The following UBR4 variants were observed in gnomAD, a reference collection of about 807,000 sequenced individuals.
UBR4 encodes ubiquitin protein ligase E3 component n-recognin 4, also known as E3 ubiquitin-protein ligase UBR4.
In UBR4, 124 loss-of-function variants were observed where a neutral mutation model predicts 575.6. The observed-to-expected ratio is 0.22, with a 90% CI of 0.19 to 0.25. The LOEUF is 0.25. Among genes scored for constraint, UBR4 ranks in the 10% least tolerant of loss-of-function variants. The probability of loss-of-function intolerance (pLI) is 1.00; values close to 1 mark genes in which losing one functional copy is unlikely to be tolerated. For missense variants in UBR4, 4,818 were observed against 6,478.8 expected (o/e 0.74, Z 8.80); for synonymous variants, 2,455 against 2,473.7 (o/e 0.99, Z 0.22).
Position 19,139,014 on chromosome 1 carries a change from C to A in UBR4, c.8731+69G>T. The A allele has an allele frequency of 6.6e-7, 1 of 1,507,610 alleles. No homozygotes were observed. The allele number at this position is 1,507,610 out of a possible 1,614,324, so 93.4% of individuals were successfully genotyped here. On this transcript the variant is annotated intron_variant, in intron 59 of 105. Coordinates refer to ENST00000375254, the MANE Select transcript of UBR4 (RefSeq NM_020765.3). The surrounding 1 kb of genome is among the most constrained non-coding windows in gnomAD (Gnocchi z 4.2). The stretch of plus-strand genomic sequence containing the variant: ...CTTTGCAAAAACCAACCCCAAGACC[C>A]AAGCAGAGATTCCTGTTTTGTCCCC...
Position 19,100,300 on chromosome 1 carries a change from G to A in UBR4, c.13221+76C>T. On this transcript the variant is annotated intron_variant, in intron 89 of 105. Coordinates refer to ENST00000375254, the MANE Select transcript of UBR4 (RefSeq NM_020765.3). The surrounding 1 kb of genome is among the most constrained non-coding windows in gnomAD (Gnocchi z 4.2). ...CCCCAAGTTAATCAGCTACTAGGAA[G>A]AAGCACCTGGATTTGGTTAGCCTAG... 6.5e-7 allele frequency: 1 copy of A among 1,539,098 alleles called. No individual in the cohort carries two copies. The highest frequency in any genetic ancestry group is 1.7e-5 in the Admixed American group (1 of 58,382).
chr1:19,209,603 T>C (rs1040048390), intron 1 of UBR4, among the ~76,000 whole-genome samples: 1 of 152,152 alleles, frequency 6.6e-6, no homozygotes, highest in Non-Finnish European at 1.5e-5. Context: ...AGGTCATCAA[T>C]GTAGCTAGTG....
intron 11 of UBR4, among the ~76,000 whole-genome samples, chr1:19,190,312 A>AAAAAAAATAT: frequency 1.3e-5 from 1 of 79,906 alleles, no homozygotes; most frequent in African/African-American, 5.3e-5. Flanking sequence ...AAAAAAAAAA[A>AAAAAAAATAT]ATATATATAT....
At chr1:19,192,666 G>A (rs1416680563) in intron 9 of UBR4, 126 bp from the exon 10 acceptor site, 5 of 1,015,358 alleles carry the variant, frequency 4.9e-6, no homozygotes, top group African/African-American at 4.8e-5. Flanking sequence ...ACATTCCATC[G>A]TACTTTCCTT....
Position 19,210,174 on chromosome 1 carries a change from C to G in UBR4, c.75G>C (p.Thr25=). 6.6e-7 allele frequency: 1 copy of G among 1,523,646 alleles called. No individual in the cohort carries two copies. The highest frequency in any genetic ancestry group is 8.8e-7 in the Non-Finnish European group (1 of 1,141,556). The allele number at this position is 1,523,646 out of a possible 1,614,324, so 94.4% of individuals were successfully genotyped here. A position where few individuals can be genotyped will look rare whatever the true frequency, so the allele number is the denominator to read the frequency against. The part of the protein sequence containing the change: ...APGTPATGAD[T]TPGWEVAVRP... ...GCACAGCCACCTCCCAGCCCGGGGT[C>G]GTGTCCGCCCCCGTTGCCGGGGTCC... Residue 25 remains threonine (T), a synonymous_variant, in exon 1 of 106, where the codon ACG becomes ACC. Coordinates refer to ENST00000375254, the MANE Select transcript of UBR4 (RefSeq NM_020765.3).
chr1:19,127,694 G>A lies in UBR4; in HGVS notation c.9157C>T (p.Leu3053=), dbSNP rs375636621. Residue 3053 remains leucine (L), a synonymous_variant, in exon 63 of 106, where the codon CTG becomes TTG. Coordinates refer to ENST00000375254, the MANE Select transcript of UBR4 (RefSeq NM_020765.3). The stretch of plus-strand genomic sequence containing the variant: ...ACACTCAGGAGTCTCATTACTACCA[G>A]ATGGACTTCATTCAGGGCGCTGCGC... ...NERSALNEVH[L]VVMRLLSVFM... 8.5e-5 allele frequency: 137 copies of A among 1,614,026 alleles called. No homozygotes were observed. Among genetic ancestry groups the A allele is most frequent in the Non-Finnish European group, 1.1e-4 (131 of 1,180,016 alleles).
At chr1:19,160,051 G>A (rs1461163820) in intron 39 of UBR4, 60 bp downstream of exon 39, 1 of 1,575,974 alleles carries the variant, frequency 6.3e-7, no homozygotes, top group Non-Finnish European at 8.6e-7. Flanking sequence ...CACATTTTGG[G>A]ATCTCAATAA....
intron 29 of UBR4, among the ~76,000 whole-genome samples, chr1:19,166,714 CAA>C (rs535369262): frequency 2.0e-4 from 15 of 73,724 alleles, no homozygotes; most frequent in Admixed American, 2.9e-4. Context: ...CCATCTCTAC[CAA>C]AAAAAAAAAA....
chr1:19,104,124 C>T lies in UBR4; in HGVS notation c.12861G>A (p.Thr4287=), dbSNP rs370614255. 1.2e-5 allele frequency: 20 copies of T among 1,614,124 alleles called. No individual in the cohort carries two copies. The highest frequency in any genetic ancestry group is 6.7e-5 in the East Asian group (3 of 44,902). The part of the protein sequence containing the change: ...VVQRTKLIDE[T]QDMLLEMLED... ...CCAGCATCTCCAGCAGCATGTCCTG[C>T]GTCTCATCGATCAGCTTGGTCCTCT... is the stretch of plus-strand genomic sequence containing the variant. The change falls in exon 87 of 106, where the codon ACG becomes ACA. Residue 4287 remains threonine (T), a synonymous_variant. Coordinates refer to ENST00000375254, the MANE Select transcript of UBR4 (RefSeq NM_020765.3).
intron 1 of UBR4, among the ~76,000 whole-genome samples, chr1:19,204,219 G>T (rs912686590): frequency 2.0e-5 from 3 of 151,926 alleles, no homozygotes; most frequent in Admixed American, 2.0e-4. Context: ...GGTCAGGCTG[G>T]TCTCAAACTC....
At chr1:19,137,681 T>C (rs1472570378) in intron 60 of UBR4, among the ~76,000 whole-genome samples, 5 of 152,186 alleles carry the variant, frequency 3.3e-5, no homozygotes, top group Non-Finnish European at 1.5e-5. Context: ...TGCCATATAT[T>C]GAGTGTACAG....
Position 19,108,079 on chromosome 1 carries a change from G to T in UBR4, c.12106-1113C>A, listed in dbSNP as rs991088140. ...ACAGATATACAGTTGGAAAAGGAAA[G>T]AATATTTTAATACCTTTTTCAACTA... On this transcript the variant is annotated intron_variant, in intron 81 of 105. Transcript: ENST00000375254. 2.0e-5 allele frequency among the ~76,000 whole-genome samples: 3 copies of T among 152,110 alleles called. No homozygotes were observed. In the East Asian group the frequency reaches 5.8e-4, roughly 29 times the overall value.
At position 19,155,542 on chromosome 1, in the gene UBR4, C is replaced by A. The variant is rs1465625879; in HGVS notation, c.6199G>T (p.Ala2067Ser). 6.2e-7 allele frequency: 1 copy of A among 1,613,988 alleles called. No homozygotes were observed. Among genetic ancestry groups the A allele is most frequent in the Non-Finnish European group, 8.5e-7 (1 of 1,180,018 alleles). ...ATAAGCTGAGTATAGATGTACCCAGCCGAAGACATTATAACAATGATGTTC... is the reference window on the plus strand; with the variant it reads ...ATAAGCTGAGTATAGATGTACCCAGACGAAGACATTATAACAATGATGTTC... ...GKNIIVIMSS[A>S]GYIYTQLMEE... is the part of the protein sequence containing the mutation. The change falls in exon 43 of 106, where the codon GCT becomes TCT. Residue 2067 changes from alanine (A) to serine (S), a missense_variant. This residue lies in a region of UBR4 where 461 missense variants were observed against 606.9 expected (regional missense o/e 0.76). Transcript: ENST00000375254.
Position 19,152,589 on chromosome 1 carries a change from C to G in UBR4, c.6833-113G>C. 2 of 1,391,434 alleles carry G rather than the reference C, an allele frequency of 1.4e-6. No homozygotes were observed. Among genetic ancestry groups the G allele is most frequent in the Non-Finnish European group, 2.0e-6 (2 of 1,011,040 alleles). 86.2% of individuals were successfully genotyped at this position (1,391,434 alleles called of 1,614,324 possible). A position where few individuals can be genotyped will look rare whatever the true frequency, so the allele number is the denominator to read the frequency against. On this transcript the variant is annotated intron_variant, in intron 46 of 105. Transcript: ENST00000375254. This position sits in a 1 kb window ranked among gnomAD's most constrained non-coding sequence, Gnocchi z 4.4. ...ACTCACACTCTAATCTAAGCAAACTCTGGATTATAACATTTGCATCGGCAT... is the reference window on the plus strand; with the variant it reads ...ACTCACACTCTAATCTAAGCAAACTGTGGATTATAACATTTGCATCGGCAT...
At chr1:19,086,551 T>C (rs1455364295) in intron 100 of UBR4, 128 bp downstream of exon 100, 2 of 1,375,388 alleles carry the variant, frequency 1.5e-6, no homozygotes, top group Non-Finnish European at 2.0e-6. Context: ...CTATATGGTG[T>C]CAGGCAGAAC....
In UBR4 at chr1:19,161,163, G is replaced by A. The variant is rs778658958; in HGVS notation, c.5176-16C>T. 8.1e-6 allele frequency: 13 copies of A among 1,609,136 alleles called. No homozygotes were observed. The highest frequency in any genetic ancestry group is 4.4e-5 in the South Asian group (4 of 90,632). On this transcript the variant is annotated splice_polypyrimidine_tract_variant and intron_variant, in intron 37 of 105. Coordinates refer to ENST00000375254, the MANE Select transcript of UBR4 (RefSeq NM_020765.3). ...TCACCAGAGCCTAGGGACAGAAAAT[G>A]TCAGAGTCCCTAAGTTCTTGCCTCA...
Position 19,155,430 on chromosome 1 carries a change from T to G in UBR4, c.6300+11A>C, listed in dbSNP as rs117338077. The G allele has an allele frequency of 5.2e-5, 83 of 1,609,022 alleles. No individual in the cohort carries two copies. In the East Asian group the frequency reaches 1.8e-3, roughly 35 times the overall value. On this transcript the variant is annotated intron_variant, in intron 43 of 105. Coordinates refer to ENST00000375254, the MANE Select transcript of UBR4 (RefSeq NM_020765.3). ...TCCGGAATAGAAGGAAATAGCAACA[T>G]GTGCTCTAACCTTCAGGTCCTCATG...
chr1:19,200,145 G>A (rs902994333), intron 2 of UBR4, among the ~76,000 whole-genome samples: 4 of 152,100 alleles, frequency 2.6e-5, no homozygotes, highest in Non-Finnish European at 4.4e-5. Context: ...TCAGCCTCTA[G>A]AGTTCATGCT....
intron 55 of UBR4, 57 bp downstream of exon 55, chr1:19,143,923 C>T: frequency 1.3e-6 from 2 of 1,523,666 alleles, no homozygotes; most frequent in South Asian, 1.1e-5. Context: ...TACTGTACCT[C>T]CCTCTCTCCC....
Sources: allele counts gnomAD v4.1 joint callset (sites outside exome capture counted in the v4.1 genomes callset), GRCh38; gene constraint gnomAD v4.1.1; regional missense constraint gnomAD v4.1.1; non-coding constraint Gnocchi (gnomAD v3.1); transcripts MANE v1.5; gene names NCBI Gene and HGNC (gene_info 2026-07-23, HGNC 2026-07-21).